CTBS: variants seen among roughly 807,000 people sequenced by gnomAD.
The protein encoded by CTBS is di-N-acetylchitobiase.
Under a neutral mutation model 44.3 loss-of-function variants are expected in CTBS, and 35 were observed. The observed-to-expected ratio is 0.79, with a 90% CI of 0.60 to 1.05. The LOEUF (loss-of-function observed/expected upper bound fraction) is 1.05. Ranked by LOEUF, CTBS falls within the 50% of genes least tolerant of loss-of-function variation. The pLI, the probability that CTBS is intolerant of heterozygous loss-of-function variation, is 0.00. For missense variants in CTBS, 458 were observed against 475.3 expected (o/e 0.96, Z 0.34); for synonymous variants, 143 against 168.0 (o/e 0.85, Z 1.15).
intron 6 of CTBS, among the ~76,000 whole-genome samples, chr1:84,557,783 G>A (rs1684489870): frequency 6.6e-6 from 1 of 151,326 alleles, no homozygotes; most frequent in Admixed American, 6.6e-5. Flanking sequence ...GCGTGAACCC[G>A]GGAGGCGGAG....
In CTBS at chr1:84,574,440, T is replaced by G. The variant is rs539036514; in HGVS notation, c.-25A>C. 9.8e-5 allele frequency: 145 copies of G among 1,473,046 alleles called. No homozygotes were observed. The African/African-American group carries it at 1.9e-3, about 19-fold the overall frequency. The allele number at this position is 1,473,046 out of a possible 1,614,324, so 91.2% of individuals were successfully genotyped here. A position where few individuals can be genotyped will look rare whatever the true frequency, so the allele number is the denominator to read the frequency against. On this transcript the variant is annotated 5_prime_UTR_variant, in exon 1 of 7. Coordinates refer to ENST00000370630, the MANE Select transcript of CTBS (RefSeq NM_004388.3). ...TAGCAGCAGGTCTAGCGGGCCGGAG[T>G]GGGTTCCTACCGCCTGGGTGGGCGG...
intron 6 of CTBS, among the ~76,000 whole-genome samples, chr1:84,557,711 A>G (rs1684487444): frequency 6.6e-6 from 1 of 151,538 alleles, no homozygotes. Context: ...CAAAAAAATT[A>G]GCCAGGCTTG....
intron 3 of CTBS, among the ~76,000 whole-genome samples, chr1:84,569,597 A>G (rs968939559): frequency 2.6e-5 from 4 of 151,708 alleles, no homozygotes; most frequent in African/African-American, 9.7e-5. Flanking sequence ...AACTACCTCT[A>G]CTCCTGGGTT....
At chr1:84,569,283 T>C (rs1170731871) in intron 3 of CTBS, among the ~76,000 whole-genome samples, 4 of 152,140 alleles carry the variant, frequency 2.6e-5, no homozygotes, top group Admixed American at 2.6e-4. Context: ...GAGTTCACAG[T>C]GTGCATGTGT....
At chr1:84,557,813 G>A (rs1352792574) in intron 6 of CTBS, among the ~76,000 whole-genome samples, 2 of 150,522 alleles carry the variant, frequency 1.3e-5, no homozygotes, top group African/African-American at 2.5e-5. Context: ...AGCCAAGATC[G>A]CGCCACTGCA....
chr1:84,574,437 G>C lies in CTBS; in HGVS notation c.-22C>G. On this transcript the variant is annotated 5_prime_UTR_variant, in exon 1 of 7. Coordinates refer to ENST00000370630, the MANE Select transcript of CTBS (RefSeq NM_004388.3). ...ACATAGCAGCAGGTCTAGCGGGCCG[G>C]AGTGGGTTCCTACCGCCTGGGTGGG... 2 of 1,500,506 alleles carry C rather than the reference G, an allele frequency of 1.3e-6. No individual in the cohort carries two copies. Among genetic ancestry groups the C allele is most frequent in the Non-Finnish European group, 1.8e-6 (2 of 1,127,726 alleles). The allele number at this position is 1,500,506 out of a possible 1,614,324, so 92.9% of individuals were successfully genotyped here. A position where few individuals can be genotyped will look rare whatever the true frequency, so the allele number is the denominator to read the frequency against.
At position 84,570,664 on chromosome 1, in the gene CTBS, A is replaced by G; in HGVS notation, c.234T>C (p.Ile78=). 6.2e-7 allele frequency: 1 copy of G among 1,613,522 alleles called. No individual in the cohort carries two copies. The highest frequency in any genetic ancestry group is 8.5e-7 in the Non-Finnish European group (1 of 1,179,402). Reference sequence around the variant, plus strand: ...ATTTTCCAAATGTTGCCACAGTTGTAATCTGTGACCAATCATAAGATTTCC... The same window carrying G: ...ATTTTCCAAATGTTGCCACAGTTGTGATCTGTGACCAATCATAAGATTTCC... ...KTWKSYDWSQ[I]TTVATFGKYD... The change falls in exon 2 of 7, where the codon ATT becomes ATC. Residue 78 remains isoleucine, a synonymous_variant. Coordinates refer to ENST00000370630, the MANE Select transcript of CTBS (RefSeq NM_004388.3).
Position 84,574,129 on chromosome 1 carries a change from G to T in CTBS, c.177+110C>A, listed in dbSNP as rs1349906434. 11 of 1,528,490 alleles carry T rather than the reference G, an allele frequency of 7.2e-6. No homozygotes were observed. The African/African-American group carries it at 1.1e-4, about 15-fold the overall frequency. 94.7% of individuals were successfully genotyped at this position (1,528,490 alleles called of 1,614,324 possible). ...TAAACAGGAAGGCCCTCATCGAGTGGTCAAAGCTGGTTTCGGCGCCCACGG... is the reference window on the plus strand; with the variant it reads ...TAAACAGGAAGGCCCTCATCGAGTGTTCAAAGCTGGTTTCGGCGCCCACGG... On this transcript the variant is annotated intron_variant, in intron 1 of 6. Coordinates refer to ENST00000370630, the MANE Select transcript of CTBS (RefSeq NM_004388.3).
chr1:84,556,128 C>A (rs974119165), intron 6 of CTBS: 5 of 152,072 alleles, frequency 3.3e-5, no homozygotes, highest in Non-Finnish European at 7.3e-5. Context: ...CACCTTCCAC[C>A]CTAAAAAGTC....
At chr1:84,558,502 G>A (rs1027772200) in intron 6 of CTBS, among the ~76,000 whole-genome samples, 1 of 150,784 alleles carries the variant, frequency 6.6e-6, no homozygotes, top group Non-Finnish European at 1.5e-5. Context: ...CGTTTTAGCC[G>A]GGATGGTCTC....
rs1163363458 is a variant in CTBS at position 84,553,970 on chromosome 1, A to G, written c.*1029T>C. 6.6e-6 allele frequency: 1 copy of G among 152,174 alleles called. No homozygotes were observed. The highest frequency in any genetic ancestry group is 2.4e-5 in the African/African-American group (1 of 41,440). 9.4% of individuals were successfully genotyped at this position (152,174 alleles called of 1,614,324 possible). A position where few individuals can be genotyped will look rare whatever the true frequency, so the allele number is the denominator to read the frequency against. The stretch of plus-strand genomic sequence containing the variant: ...CTTTTAGAAAGAGAACTAGTTGAGA[A>G]GCTAATCAGTGTCTTTAGATCATTA... On this transcript the variant is annotated 3_prime_UTR_variant, in exon 7 of 7. Transcript: ENST00000370630.
chr1:84,560,646 G>C (rs1684577464), intron 6 of CTBS, among the ~76,000 whole-genome samples: 1 of 152,226 alleles, frequency 6.6e-6, no homozygotes, highest in African/African-American at 2.4e-5. Flanking sequence ...GACAGGAGAA[G>C]TCAATACCTG....
chr1:84,570,310 T>C (rs1647266385), intron 2 of CTBS, among the ~76,000 whole-genome samples, 171 bp from the exon 3 acceptor site: 1 of 152,240 alleles, frequency 6.6e-6, no homozygotes, highest in East Asian at 1.9e-4. Context: ...GTAAAATTGT[T>C]CTGAAGTTAG....
intron 1 of CTBS, among the ~76,000 whole-genome samples, chr1:84,571,959 G>A (rs191535787): frequency 6.9e-4 from 105 of 152,306 alleles, no homozygotes; most frequent in South Asian, 1.0e-3. Flanking sequence ...ACTGAAAAAG[G>A]TCAATGTAGG....
intron 1 of CTBS, among the ~76,000 whole-genome samples, chr1:84,572,495 T>A (rs1647341502): frequency 6.7e-6 from 1 of 149,936 alleles, no homozygotes; most frequent in East Asian, 1.9e-4. Context: ...TGCCATGTAG[T>A]CTAGTTTTTG....
chr1:84,557,749 T>G (rs1684488496), intron 6 of CTBS, among the ~76,000 whole-genome samples: 1 of 150,472 alleles, frequency 6.6e-6, no homozygotes, highest in Non-Finnish European at 1.5e-5. Context: ...TCCCAGCTAC[T>G]TGGGAGGCTA....
chr1:84,562,180 G>T (rs1352874237), intron 6 of CTBS, among the ~76,000 whole-genome samples: 1 of 152,116 alleles, frequency 6.6e-6, no homozygotes, highest in Non-Finnish European at 1.5e-5. Context: ...TCTCCAAGAG[G>T]GGCGTACAGT....
chr1:84,550,308 G>A lies in CTBS; in HGVS notation c.*4691C>T, dbSNP rs137869268. 2.2e-4 allele frequency: 101 copies of A among 457,378 alleles called. No homozygotes were observed. The highest frequency in any genetic ancestry group is 1.3e-3 in the African/African-American group (63 of 49,060). 28.3% of individuals were successfully genotyped at this position (457,378 alleles called of 1,614,324 possible). A position where few individuals can be genotyped will look rare whatever the true frequency, so the allele number is the denominator to read the frequency against. ...TCCAAAGCAATTTAGTTTACTTTAC[G>A]GAATAGGTTATTTTCATGATTTACT... On this transcript the variant is annotated 3_prime_UTR_variant, in exon 7 of 7. Transcript: ENST00000370630.
In CTBS at chr1:84,563,384, C is replaced by T. The variant is rs148118320; in HGVS notation, c.830G>A (p.Arg277Gln). 118 of 1,574,832 alleles carry T rather than the reference C, an allele frequency of 7.5e-5. No individual in the cohort carries two copies. The highest frequency in any genetic ancestry group is 6.6e-4 in the African/African-American group (48 of 72,678). ...HVCTIAKVPF[R>Q]GAPCSDAAGR... ...TGCAGCGTCACTACAAGGAGCCCCC[C>T]GGAAAGGGACTTTTGCAATGGTACA... Residue 277 changes from arginine to glutamine, a missense_variant, in exon 6 of 7, where the codon CGG becomes CAG. Arg to Gln is a conservative substitution (Grantham distance 43). Coordinates refer to ENST00000370630, the MANE Select transcript of CTBS (RefSeq NM_004388.3).
Sources: allele counts gnomAD v4.1 joint callset (sites outside exome capture counted in the v4.1 genomes callset), GRCh38; gene constraint gnomAD v4.1.1; transcripts MANE v1.5; gene names NCBI Gene and HGNC (gene_info 2026-07-23, HGNC 2026-07-21).